The following TG variants were observed in gnomAD, a reference collection of about 807,000 sequenced individuals.
The protein encoded by TG is thyroid hormones.
TG carries 270 observed loss-of-function variants against 324.7 expected under a neutral mutation model. That is an observed-to-expected ratio of 0.83 (90% confidence interval 0.75 to 0.92). TG has a LOEUF of 0.92. Among genes scored for constraint, TG ranks in the 40% least tolerant of loss-of-function variants. The pLI, the probability that TG is intolerant of heterozygous loss-of-function variation, is 0.00. For synonymous variants in TG, 1,401 were observed against 1,327.0 expected, an observed-to-expected ratio of 1.06 and a Z score of -1.21; for missense variants, 3,591 against 3,456.4, an observed-to-expected ratio of 1.04 and a Z score of -0.98.
chr8:132,895,229 C>T (rs1476454324), intron 11 of TG, among the ~76,000 whole-genome samples: 1 of 152,224 alleles, frequency 6.6e-6, no homozygotes, highest in Non-Finnish European at 1.5e-5. Context: ...AGCTGATTCC[C>T]TGTCTAGCTT....
At chr8:133,029,592 A>G (rs1265445754) in intron 40 of TG, among the ~76,000 whole-genome samples, 3 of 152,204 alleles carry the variant, frequency 2.0e-5, no homozygotes, top group African/African-American at 7.2e-5. Flanking sequence ...CAAGAACATG[A>G]TCAAGGTCTC....
chr8:132,876,939 A>G (rs1387637769), intron 5 of TG, among the ~76,000 whole-genome samples: 2 of 152,194 alleles, frequency 1.3e-5, no homozygotes, highest in Non-Finnish European at 2.9e-5. Flanking sequence ...TTAGCCACCC[A>G]TGCTACCCAG....
chr8:132,877,916 T>C (rs1258571075), intron 5 of TG, among the ~76,000 whole-genome samples: 4 of 152,040 alleles, frequency 2.6e-5, no homozygotes, highest in Non-Finnish European at 5.9e-5. Flanking sequence ...ATTGTGTAGA[T>C]TTTGTCTTCC....
At chr8:132,917,739 A>G (rs1457200059) in intron 20 of TG, among the ~76,000 whole-genome samples, 1 of 152,078 alleles carries the variant, frequency 6.6e-6, no homozygotes, top group Non-Finnish European at 1.5e-5. Context: ...TTTCTTCAGC[A>G]GAAATGCGGC....
chr8:132,979,339 T>C (rs1198350603), intron 34 of TG, among the ~76,000 whole-genome samples: 1 of 152,230 alleles, frequency 6.6e-6, no homozygotes, highest in African/African-American at 2.4e-5. Context: ...ATGTGACTTC[T>C]AGAAAAGAGA....
chr8:133,037,262 C>G (rs909861459), intron 41 of TG: 1 of 152,176 alleles, frequency 6.6e-6, no homozygotes, highest in Admixed American at 6.5e-5. Flanking sequence ...CCTTCTCTGG[C>G]TATACATTGT....
At chr8:133,023,624 C>T (rs1228413985) in intron 40 of TG, among the ~76,000 whole-genome samples, 3 of 152,204 alleles carry the variant, frequency 2.0e-5, no homozygotes, top group East Asian at 3.9e-4. Flanking sequence ...ACAAGACTGA[C>T]CATAATTTGT....
intron 35 of TG, among the ~76,000 whole-genome samples, chr8:133,010,260 C>T (rs533030977): frequency 5.3e-5 from 8 of 152,302 alleles, no homozygotes; most frequent in African/African-American, 1.9e-4. Context: ...GTGAAAGAGG[C>T]ACTAGAGCCC....
At chr8:132,926,568 C>A (rs921018304) in intron 22 of TG, among the ~76,000 whole-genome samples, 1 of 152,180 alleles carries the variant, frequency 6.6e-6, no homozygotes, top group Non-Finnish European at 1.5e-5. Context: ...GAATAAATTT[C>A]TCTAGTTGTC....
At chr8:132,908,898 G>T (rs755873924) in intron 18 of TG, among the ~76,000 whole-genome samples, 77 of 152,264 alleles carry the variant, frequency 5.1e-4, no homozygotes, top group Non-Finnish European at 9.4e-4. Context: ...TGTGAGTTCT[G>T]GGGGAGAGGA....
intron 41 of TG, chr8:133,038,541 G>C (rs1428819446): frequency 6.2e-7 from 1 of 1,612,388 alleles, no homozygotes; most frequent in East Asian, 2.2e-5. Flanking sequence ...TCAAAGTAAG[G>C]TGGTGATGAG....
At position 132,929,114 on chromosome 8, in the gene TG, A is replaced by G. The variant is rs144241506; in HGVS notation, c.4738A>G (p.Ile1580Val). 1.9e-6 allele frequency: 3 copies of G among 1,614,076 alleles called. No homozygotes were observed. The highest frequency in any genetic ancestry group is 2.2e-5 in the South Asian group (2 of 91,082). Residue 1580 changes from isoleucine to valine, a missense_variant, in exon 23 of 48, where the codon ATC becomes GTC. Ile to Val is a conservative substitution (Grantham distance 29, BLOSUM62 3). Transcript: ENST00000220616. ...TGAGAAGGTTCCAGAATCAAAGGTG[A>G]TCTTCGACGCCAATGCTCCTGTGGC... ...KFEKVPESKV[I>V]FDANAPVAVR...
chr8:133,001,594 T>C (rs1473878620), intron 35 of TG, among the ~76,000 whole-genome samples: 1 of 152,270 alleles, frequency 6.6e-6, no homozygotes, highest in Non-Finnish European at 1.5e-5. Context: ...TAGGCCACTA[T>C]GTCCTGGTTC....
intron 27 of TG, among the ~76,000 whole-genome samples, chr8:132,960,622 G>A (rs971969006): frequency 8.5e-5 from 13 of 152,174 alleles, no homozygotes; most frequent in East Asian, 1.9e-4. Context: ...CAAAATCGCT[G>A]TCCACATTTA....
chr8:132,988,805 GCTTCCCAAATGTGGGATCTC>G, intron 35 of TG: 1 of 985,384 alleles, frequency 1.0e-6, no homozygotes, highest in Non-Finnish European at 1.2e-6. Context: ...CCCCTTCCCT[GCTTCCCAAATGTGGGATCTC>G]CTAAGGGTTT....
chr8:133,004,401 C>A (rs1195193723), intron 35 of TG, among the ~76,000 whole-genome samples: 1 of 152,126 alleles, frequency 6.6e-6, no homozygotes, highest in Non-Finnish European at 1.5e-5. Flanking sequence ...GCTGGTAGGA[C>A]CTCAACTAAG....
Position 133,134,889 on chromosome 8 carries a change from C to A in TG, c.*95C>A. Reference sequence around the variant, plus strand: ...CCACTTACCTTCAATAAAGTATCTACATGCGGTGAAGCATTGTTGACTCTA... The same window carrying A: ...CCACTTACCTTCAATAAAGTATCTAAATGCGGTGAAGCATTGTTGACTCTA... On this transcript the variant is annotated 3_prime_UTR_variant, in exon 48 of 48. Transcript: ENST00000220616. 1 of 941,114 alleles carries A rather than the reference C, an allele frequency of 1.1e-6. No individual in the cohort carries two copies. The highest frequency in any genetic ancestry group is 1.7e-6 in the Non-Finnish European group (1 of 579,300). 58.3% of individuals were successfully genotyped at this position (941,114 alleles called of 1,614,324 possible).
rs1848019438 is a variant in TG, at chr8:133,094,070, G to A, written c.7240-974G>A. 2.0e-5 allele frequency among the ~76,000 whole-genome samples: 3 copies of A among 152,034 alleles called. 1 individual carries two copies. Among genetic ancestry groups the A allele is most frequent in the South Asian group, 4.1e-4 (2 of 4,826 alleles). The stretch of plus-strand genomic sequence containing the variant: ...TGGGCAGCCAGTGTCTGAGCTACGG[G>A]GAGCCCCATAGCGGATGCACCCTGG... On this transcript the variant is annotated intron_variant, in intron 41 of 47. Transcript: ENST00000220616.
intron 45 of TG, among the ~76,000 whole-genome samples, chr8:133,121,997 T>A (rs1187323558): frequency 2.0e-5 from 3 of 152,188 alleles, no homozygotes; most frequent in African/African-American, 7.2e-5. Context: ...AGCTGTCACA[T>A]CTCTCATTTT....
Sources: allele counts gnomAD v4.1 joint callset (sites outside exome capture counted in the v4.1 genomes callset), GRCh38; gene constraint gnomAD v4.1.1; transcripts MANE v1.5; gene names NCBI Gene and HGNC (gene_info 2026-07-23, HGNC 2026-07-21).